The following COL4A6 variants were observed in gnomAD, a reference collection of about 807,000 sequenced individuals.
COL4A6 encodes the protein collagen alpha-6(IV) chain.
COL4A6 carries 59 observed loss-of-function variants against 126.7 expected under a neutral mutation model. That is an observed-to-expected ratio of 0.47 (90% CI 0.38 to 0.58). The LOEUF (loss-of-function observed/expected upper bound fraction) is 0.58, where lower values mean the gene tolerates loss of function less well. Ranked by LOEUF, COL4A6 falls within the 20% of genes least tolerant of loss-of-function variation. The pLI, the probability that COL4A6 is intolerant of heterozygous loss-of-function variation, is 0.00. For synonymous variants in COL4A6, 547 were observed against 496.6 expected (o/e 1.10, Z -1.35); for missense variants, 1,285 against 1,337.3 (o/e 0.96, Z 0.61).
At chrX:108,384,650 G>T (rs12690165) in intron 2 of COL4A6, among the ~76,000 whole-genome samples, 1 of 111,298 alleles carries the variant, frequency 9.0e-6, no homozygotes, top group Non-Finnish European at 1.9e-5. Context: ...GAACATAATT[G>T]TTTTTGAAAT....
At chrX:108,196,290 G>T (rs2035211601) in intron 14 of COL4A6, among the ~76,000 whole-genome samples, 1 of 111,087 alleles carries the variant, frequency 9.0e-6, no homozygotes, top group African/African-American at 3.3e-5. Context: ...ATAGGCTGAG[G>T]AGCCACCTAG....
At chrX:108,168,804 C>G (rs900041950) in intron 37 of COL4A6, among the ~76,000 whole-genome samples, 31 of 111,892 alleles carry the variant, frequency 2.8e-4, no homozygotes, top group African/African-American at 9.8e-4. Context: ...AGCCCATACT[C>G]TTAACCATGA....
chrX:108,180,233 G>A (rs921861050), intron 25 of COL4A6, among the ~76,000 whole-genome samples: 1 of 111,487 alleles, frequency 9.0e-6, no homozygotes, highest in Non-Finnish European at 1.9e-5. Flanking sequence ...TAGTGATCTC[G>A]GACAAGTCAT....
intron 11 of COL4A6, 160 bp from the exon 12 acceptor site, chrX:108,204,572 G>A (rs762729481): frequency 3.6e-6 from 2 of 551,312 alleles, no homozygotes; most frequent in Admixed American, 4.5e-5. Flanking sequence ...ACTGCCAAAG[G>A]GTGAGAAGAA....
At chrX:108,312,927 G>T (rs1187968945) in intron 2 of COL4A6, among the ~76,000 whole-genome samples, 1 of 110,049 alleles carries the variant, frequency 9.1e-6, no homozygotes, top group Non-Finnish European at 1.9e-5. Flanking sequence ...GGATAAGACA[G>T]GGAAAAAAAA....
intron 3 of COL4A6, among the ~76,000 whole-genome samples, chrX:108,301,757 G>A (rs951209230): frequency 3.6e-5 from 4 of 110,295 alleles, no homozygotes; most frequent in African/African-American, 1.3e-4. Context: ...GGCATGCCAG[G>A]AAAGCCTTTT....
At chrX:108,405,889 G>A (rs2041197057) in intron 2 of COL4A6, among the ~76,000 whole-genome samples, 1 of 111,618 alleles carries the variant, frequency 9.0e-6, no homozygotes, top group East Asian at 2.8e-4. Context: ...GGAAACCTAA[G>A]ATAGACATTT....
chrX:108,320,905 T>C (rs1204676268), intron 2 of COL4A6, among the ~76,000 whole-genome samples: 3 of 112,048 alleles, frequency 2.7e-5, no homozygotes, highest in African/African-American at 9.7e-5. Flanking sequence ...TAGACACGTA[T>C]GCAACATTAC....
Position 108,164,861 on chromosome X carries a change from A to G in COL4A6, c.3970+16T>C. 1 of 1,193,457 alleles carries G rather than the reference A, an allele frequency of 8.4e-7. No individual in the cohort carries two copies. Among genetic ancestry groups the G allele is most frequent in the Non-Finnish European group, 1.1e-6 (1 of 884,972 alleles). Reference sequence around the variant, plus strand: ...TGGAGTGGGGAAGGGCCCAGCAGCCAGCCGAGCAGCCGTACCTTTCAGTCC... The same window carrying G: ...TGGAGTGGGGAAGGGCCCAGCAGCCGGCCGAGCAGCCGTACCTTTCAGTCC... On this transcript the variant is annotated intron_variant, in intron 39 of 44. Transcript: ENST00000334504.
chrX:108,391,446 C>T (rs1162369817), intron 2 of COL4A6, among the ~76,000 whole-genome samples: 1 of 111,556 alleles, frequency 9.0e-6, no homozygotes, highest in Non-Finnish European at 1.9e-5. Context: ...GTGGTGGGCT[C>T]TACCCAGTTT....
At chrX:108,188,134 C>A in intron 21 of COL4A6, 107 bp from the exon 22 acceptor site, 1 of 550,055 alleles carries the variant, frequency 1.8e-6, no homozygotes, top group Non-Finnish European at 2.8e-6. Context: ...CATATTGGCA[C>A]TGTTCTAGAC....
intron 37 of COL4A6, among the ~76,000 whole-genome samples, chrX:108,166,450 A>T (rs980231986): frequency 9.8e-5 from 11 of 112,524 alleles, no homozygotes; most frequent in African/African-American, 3.5e-4. Context: ...CTGGTGGTTG[A>T]GATTCTTAAT....
At chrX:108,192,124 C>A (rs1445636496) in intron 18 of COL4A6, among the ~76,000 whole-genome samples, 3 of 111,903 alleles carry the variant, frequency 2.7e-5, no homozygotes, top group Non-Finnish European at 5.6e-5. Flanking sequence ...CTTTTGCTAG[C>A]CCCTCTTGGC....
chrX:108,314,565 C>T (rs1012478978), intron 2 of COL4A6, among the ~76,000 whole-genome samples: 3 of 111,651 alleles, frequency 2.7e-5, no homozygotes, highest in Non-Finnish European at 5.6e-5. Context: ...CAGACCATAA[C>T]GTTTATAAGG....
intron 2 of COL4A6, among the ~76,000 whole-genome samples, chrX:108,353,525 C>G (rs2039889475): frequency 8.9e-6 from 1 of 112,175 alleles, no homozygotes; most frequent in South Asian, 3.7e-4. Flanking sequence ...CAAAAGATCA[C>G]TTCCTACTGA....
chrX:108,337,676 G>A (rs1347736602), intron 2 of COL4A6, among the ~76,000 whole-genome samples: 1 of 112,121 alleles, frequency 8.9e-6, no homozygotes, highest in Non-Finnish European at 1.9e-5. Flanking sequence ...TGTAAACATG[G>A]GGATATGAAT....
intron 3 of COL4A6, among the ~76,000 whole-genome samples, chrX:108,288,543 T>A (rs1386666900): frequency 9.0e-6 from 1 of 110,514 alleles, no homozygotes; most frequent in Non-Finnish European, 1.9e-5. Context: ...CTACCAGGAG[T>A]TCACAATTTA....
intron 2 of COL4A6, among the ~76,000 whole-genome samples, chrX:108,349,466 C>T (rs2039790282): frequency 8.9e-6 from 1 of 111,991 alleles, no homozygotes; most frequent in African/African-American, 3.2e-5. Context: ...GATCTTGGCT[C>T]TGCATTTATT....
At chrX:108,296,526 G>T (rs1252002644) in intron 3 of COL4A6, among the ~76,000 whole-genome samples, 1 of 111,855 alleles carries the variant, frequency 8.9e-6, no homozygotes, top group African/African-American at 3.3e-5. Context: ...CCTGCCCATT[G>T]GAAACTGTTT....
Sources: allele counts gnomAD v4.1 joint callset (sites outside exome capture counted in the v4.1 genomes callset), GRCh38; gene constraint gnomAD v4.1.1; transcripts MANE v1.5; gene names NCBI Gene and HGNC (gene_info 2026-07-23, HGNC 2026-07-21).